SNTB2: variants seen among roughly 807,000 people sequenced by gnomAD.
SNTB2 encodes the protein beta-2-syntrophin.
A neutral mutation model predicts 46.2 loss-of-function variants in SNTB2; 34 were observed. The ratio of observed to expected loss-of-function variants is 0.74; its 90% CI spans 0.56 to 0.98. The LOEUF (loss-of-function observed/expected upper bound fraction) is 0.98. SNTB2 is among the 50% of genes least tolerant of loss of function. The pLI, the probability that SNTB2 is intolerant of heterozygous loss-of-function variation, is 0.00. For missense variants in SNTB2, 603 were observed against 731.4 expected (o/e 0.82, Z 2.02); for synonymous variants, 290 against 312.6 (o/e 0.93, Z 0.76).
chr16:69,198,194 C>T (rs555328674), intron 1 of SNTB2, among the ~76,000 whole-genome samples: 33 of 151,706 alleles, frequency 2.2e-4, no homozygotes, highest in Non-Finnish European at 3.5e-4. Flanking sequence ...CTGCAACCTC[C>T]ACCTCGCGGG....
intron 1 of SNTB2, among the ~76,000 whole-genome samples, chr16:69,238,247 G>A (rs528379282): frequency 6.6e-6 from 1 of 152,234 alleles, no homozygotes; most frequent in South Asian, 2.1e-4. Flanking sequence ...GTGCAATCTG[G>A]CTGAATTGAC....
At chr16:69,213,035 A>T (rs1034507654) in intron 1 of SNTB2, among the ~76,000 whole-genome samples, 1 of 152,210 alleles carries the variant, frequency 6.6e-6, no homozygotes, top group African/African-American at 2.4e-5. Context: ...AGTAATGGTT[A>T]CATGCTTGAT....
At chr16:69,228,208 G>T (rs963235366) in intron 1 of SNTB2, among the ~76,000 whole-genome samples, 2 of 151,924 alleles carry the variant, frequency 1.3e-5, no homozygotes, top group African/African-American at 4.8e-5. Flanking sequence ...TTTAGTATTA[G>T]AATTTCATAG....
rs189398632 is a variant in SNTB2, at chr16:69,275,568, G to A, written c.1148+5283G>A. ...TAATGATCCTCTACCAACCAGAGGC[G>A]GGTAAAGGGTAACCCTGAGAGAGAC... is the stretch of plus-strand genomic sequence containing the variant. On this transcript the variant is annotated intron_variant, in intron 4 of 6. Coordinates refer to ENST00000336278, the MANE Select transcript of SNTB2 (RefSeq NM_006750.4). Among the ~76,000 whole-genome samples, 88 of 152,260 alleles carry A rather than the reference G, an allele frequency of 5.8e-4. No homozygotes were observed. In the East Asian group the frequency reaches 0.011, roughly 18 times the overall value.
At chr16:69,289,043 G>A (rs548234124) in intron 5 of SNTB2, among the ~76,000 whole-genome samples, 5 of 152,070 alleles carry the variant, frequency 3.3e-5, no homozygotes, top group East Asian at 1.9e-4. Flanking sequence ...GCCGAGGCGC[G>A]CGGATCACCT....
intron 2 of SNTB2, among the ~76,000 whole-genome samples, chr16:69,258,369 A>T (rs1309932405): frequency 6.6e-6 from 1 of 152,140 alleles, no homozygotes; most frequent in African/African-American, 2.4e-5. Flanking sequence ...ACAATATTCA[A>T]TAGATTGCTT....
chr16:69,254,440 C>A (rs988130899), intron 2 of SNTB2, among the ~76,000 whole-genome samples: 1 of 152,174 alleles, frequency 6.6e-6, no homozygotes, highest in Non-Finnish European at 1.5e-5. Flanking sequence ...TTGTTGTAGT[C>A]ACTCCTCTCC....
chr16:69,253,073 G>C (rs553114336), intron 2 of SNTB2, among the ~76,000 whole-genome samples: 5 of 151,686 alleles, frequency 3.3e-5, no homozygotes, highest in Admixed American at 3.3e-4. Context: ...CTAATTTTTT[G>C]TATTTTTAGT....
chr16:69,234,964 A>G (rs1964543327), intron 1 of SNTB2, among the ~76,000 whole-genome samples: 1 of 152,040 alleles, frequency 6.6e-6, no homozygotes, highest in African/African-American at 2.4e-5. Flanking sequence ...TGGCCTCCCA[A>G]AATGTTGGGA....
At chr16:69,275,079 CT>C (rs1221418535) in intron 4 of SNTB2, among the ~76,000 whole-genome samples, 5 of 148,716 alleles carry the variant, frequency 3.4e-5, no homozygotes, top group African/African-American at 1.2e-4. Flanking sequence ...TTCCTTCTCT[CT>C]TTTTTTTTCT....
At chr16:69,245,919 T>C in intron 2 of SNTB2, 104 bp downstream of exon 2, 9 of 1,193,510 alleles carry the variant, frequency 7.5e-6, no homozygotes, top group Non-Finnish European at 1.1e-5. Context: ...GAGGAAAACA[T>C]CTGTCTGAGG....
chr16:69,308,120 A>C lies in SNTB2; in HGVS notation c.*7196A>C, dbSNP rs902834665. 6.6e-6 allele frequency: 1 copy of C among 152,660 alleles called. No homozygotes were observed. Among genetic ancestry groups the C allele is most frequent in the African/African-American group, 2.4e-5 (1 of 41,466 alleles). The allele number at this position is 152,660 out of a possible 1,614,324, so 9.5% of individuals were successfully genotyped here. On this transcript the variant is annotated 3_prime_UTR_variant, in exon 7 of 7. Coordinates refer to ENST00000336278, the MANE Select transcript of SNTB2 (RefSeq NM_006750.4). Reference sequence around the variant, plus strand: ...TATCTTGGAGTTGTGCACAAAAATTAGGTCATGCCTTCAGTGTCTTGTTCT... The same window carrying C: ...TATCTTGGAGTTGTGCACAAAAATTCGGTCATGCCTTCAGTGTCTTGTTCT...
At chr16:69,269,761 A>G (rs1411869889) in intron 3 of SNTB2, among the ~76,000 whole-genome samples, 1 of 152,130 alleles carries the variant, frequency 6.6e-6, no homozygotes, top group African/African-American at 2.4e-5. Flanking sequence ...AATTTTGAAC[A>G]TATTACTATA....
chr16:69,260,462 A>G (rs1964824611), intron 3 of SNTB2, among the ~76,000 whole-genome samples: 1 of 152,218 alleles, frequency 6.6e-6, no homozygotes, highest in Admixed American at 6.5e-5. Flanking sequence ...CCACTCAACC[A>G]GAAGTAGCTG....
At chr16:69,251,059 A>G (rs993647630) in intron 2 of SNTB2, among the ~76,000 whole-genome samples, 4 of 146,110 alleles carry the variant, frequency 2.7e-5, no homozygotes, top group African/African-American at 9.9e-5. Context: ...GCTCACTGCA[A>G]GCTCCGCCTC....
At chr16:69,268,604 C>G (rs1407050252) in intron 3 of SNTB2, among the ~76,000 whole-genome samples, 2 of 152,212 alleles carry the variant, frequency 1.3e-5, no homozygotes, top group Non-Finnish European at 2.9e-5. Context: ...TTGGCTCACG[C>G]CTGTAATCCT....
At chr16:69,209,598 C>A (rs529282054) in intron 1 of SNTB2, among the ~76,000 whole-genome samples, 86 of 152,324 alleles carry the variant, frequency 5.6e-4, no homozygotes, top group South Asian at 2.9e-3. Context: ...TGTTTGAAAT[C>A]TGGCCATTGG....
chr16:69,291,902 G>A (rs1161181956), intron 5 of SNTB2, among the ~76,000 whole-genome samples: 2 of 151,620 alleles, frequency 1.3e-5, no homozygotes, highest in African/African-American at 4.9e-5. Context: ...CAGCCTGGGC[G>A]ACAGAGTAAG....
intron 1 of SNTB2, among the ~76,000 whole-genome samples, chr16:69,213,188 A>G (rs1026637504): frequency 9.2e-5 from 14 of 152,192 alleles, no homozygotes; most frequent in Non-Finnish European, 2.1e-4. Context: ...GAAATTATAC[A>G]CATTTCATTA....
Sources: allele counts gnomAD v4.1 joint callset (sites outside exome capture counted in the v4.1 genomes callset), GRCh38; gene constraint gnomAD v4.1.1; transcripts MANE v1.5; gene names NCBI Gene and HGNC (gene_info 2026-07-23, HGNC 2026-07-21).